SPTAN1: variants seen among roughly 807,000 people sequenced by gnomAD.
The protein encoded by SPTAN1 is spectrin alpha chain, non-erythrocytic 1.
Under a neutral mutation model 331.3 loss-of-function variants are expected in SPTAN1, and 61 were observed. That is an observed-to-expected ratio of 0.18 (90% CI 0.15 to 0.23). The LOEUF (loss-of-function observed/expected upper bound fraction) is 0.23, where lower values mean the gene tolerates loss of function less well. SPTAN1 is among the 10% of genes least tolerant of loss of function. The pLI is 1.00. For synonymous variants in SPTAN1, 1,153 were observed against 1,173.9 expected (o/e 0.98, Z 0.36); for missense variants, 2,043 against 3,147.9 (o/e 0.65, Z 8.40).
chr9:128,626,170 G>T (rs1008221394), intron 48 of SPTAN1, 192 bp downstream of exon 48: 1 of 864,848 alleles, frequency 1.2e-6, no homozygotes, highest in East Asian at 2.6e-5. Context: ...CCATTCAGAA[G>T]CACGCAGGAC....
chr9:128,622,148 A>G (rs1857951707), intron 45 of SPTAN1: 1 of 152,186 alleles, frequency 6.6e-6, no homozygotes, highest in Non-Finnish European at 1.5e-5. Context: ...GCGTGAAACT[A>G]ATTTCAGCTA....
intron 22 of SPTAN1, among the ~76,000 whole-genome samples, chr9:128,591,827 T>C (rs1032343369): frequency 6.6e-6 from 1 of 152,226 alleles, no homozygotes; most frequent in Non-Finnish European, 1.5e-5. Context: ...TTGTTTTTTT[T>C]CCACCAGTGT....
At position 128,627,200 on chromosome 9, in the gene SPTAN1, G is replaced by T. The variant is rs1407133875; in HGVS notation, c.6577-186G>T. 3 of 648,130 alleles carry T rather than the reference G, an allele frequency of 4.6e-6. No homozygotes were observed. The highest frequency in any genetic ancestry group is 5.6e-6 in the Non-Finnish European group (2 of 357,248). 40.1% of individuals were successfully genotyped at this position (648,130 alleles called of 1,614,324 possible). On this transcript the variant is annotated intron_variant, in intron 49 of 56. Coordinates refer to ENST00000372739, the MANE Select transcript of SPTAN1 (RefSeq NM_001130438.3). The surrounding 1 kb of genome is among the most constrained non-coding windows in gnomAD (Gnocchi z 4.9). ...GGTCCGCCTCTTCCTTGAAGCCCCT[G>T]GGGGGTGGGAACAGAGAAAGAACTA...
intron 40 of SPTAN1, among the ~76,000 whole-genome samples, chr9:128,615,100 A>G (rs1056069331): frequency 6.6e-6 from 1 of 152,234 alleles, no homozygotes; most frequent in Non-Finnish European, 1.5e-5. Flanking sequence ...ACTTTCTCAT[A>G]AAAGTTTGAA....
intron 45 of SPTAN1, among the ~76,000 whole-genome samples, chr9:128,622,884 C>G (rs1426443462): frequency 6.6e-6 from 1 of 151,534 alleles, no homozygotes; most frequent in African/African-American, 2.4e-5. Flanking sequence ...TCCTGAGTAG[C>G]TGGGGTTACA....
Position 128,625,969 on chromosome 9 carries a change from C to A in SPTAN1, c.6270C>A (p.His2090Gln), listed in dbSNP as rs370102482. The change falls in exon 48 of 57, where the codon CAC becomes CAA. Residue 2090 changes from histidine (H) to glutamine (Q), a missense_variant. By Grantham distance (24) the His-to-Gln change is conservative. Coordinates refer to ENST00000372739, the MANE Select transcript of SPTAN1 (RefSeq NM_001130438.3). This position sits in a 1 kb window ranked among gnomAD's most constrained non-coding sequence, Gnocchi z 4.1. The stretch of plus-strand genomic sequence containing the variant: ...AGAAGCTTCTGGAGGCTCAGAGTCA[C>A]TTCCGCAAGGTGAGGATGGGGCCAC... ...RKKKLLEAQS[H>Q]FRKVEDLFLT... 2 of 1,614,110 alleles carry A rather than the reference C, an allele frequency of 1.2e-6. No individual in the cohort carries two copies. The highest frequency in any genetic ancestry group is 3.3e-5 in the Admixed American group (2 of 60,036).
At position 128,583,163 on chromosome 9, in the gene SPTAN1, G is replaced by A; in HGVS notation, c.1893G>A (p.Leu631=). ...CAAACCAGAGCCGAATTGATGCCTT[G>A]GAGAAAGCTGGCCAAAAGCTGATTG... is the stretch of plus-strand genomic sequence containing the variant. The part of the protein sequence containing the change: ...LSANQSRIDA[L]EKAGQKLIDV... The change falls in exon 15 of 57, where the codon TTG becomes TTA. Residue 631 remains leucine (L), a synonymous_variant. Transcript: ENST00000372739. 1 of 1,614,136 alleles carries A rather than the reference G, an allele frequency of 6.2e-7. No homozygotes were observed. The highest frequency in any genetic ancestry group is 1.1e-5 in the South Asian group (1 of 91,082).
At chr9:128,619,879 A>C (rs1348480039) in intron 44 of SPTAN1, among the ~76,000 whole-genome samples, 1 of 152,206 alleles carries the variant, frequency 6.6e-6, no homozygotes, top group African/African-American at 2.4e-5. Flanking sequence ...CGGCATCTGC[A>C]GCTGTCACTG....
intron 1 of SPTAN1, among the ~76,000 whole-genome samples, chr9:128,564,013 C>G (rs959127558): frequency 3.3e-5 from 5 of 152,090 alleles, no homozygotes; most frequent in Non-Finnish European, 2.9e-5. Flanking sequence ...TGGCTTACAC[C>G]TGTAATCTTA....
intron 12 of SPTAN1, 108 bp from the exon 13 acceptor site, chr9:128,582,371 T>G: frequency 3.2e-6 from 3 of 952,360 alleles, no homozygotes; most frequent in South Asian, 1.4e-5. Context: ...CCTTGACCTA[T>G]GTTAAAGTTT....
At chr9:128,567,101 G>A in intron 2 of SPTAN1, 124 bp downstream of exon 2, 6 of 1,384,758 alleles carry the variant, frequency 4.3e-6, no homozygotes, top group Non-Finnish European at 6.0e-6. Flanking sequence ...ATATAATAAG[G>A]AAGGACAAAC....
intron 5 of SPTAN1, 133 bp from the exon 6 acceptor site, chr9:128,576,690 G>A: frequency 8.3e-7 from 1 of 1,201,448 alleles, no homozygotes; most frequent in Non-Finnish European, 1.2e-6. Flanking sequence ...TTTGTATCAT[G>A]TTGACCATTA....
chr9:128,610,373 T>C (rs1033757485), intron 37 of SPTAN1, among the ~76,000 whole-genome samples: 6 of 152,100 alleles, frequency 3.9e-5, no homozygotes, highest in African/African-American at 1.4e-4. Context: ...AATGGGACTT[T>C]TGTCAGGATA....
chr9:128,614,723 G>A (rs1246944237), intron 40 of SPTAN1, among the ~76,000 whole-genome samples: 1 of 152,144 alleles, frequency 6.6e-6, no homozygotes, highest in Non-Finnish European at 1.5e-5. Flanking sequence ...TGCAGTGTGT[G>A]TGTCATGATC....
Position 128,629,911 on chromosome 9 carries a change from G to T in SPTAN1, c.6708-410G>T, listed in dbSNP as rs977489946. 5.7e-6 allele frequency: 2 copies of T among 353,920 alleles called. No individual in the cohort carries two copies. The highest frequency in any genetic ancestry group is 4.4e-5 in the South Asian group (2 of 44,984). 21.9% of individuals were successfully genotyped at this position (353,920 alleles called of 1,614,324 possible). On this transcript the variant is annotated intron_variant, in intron 51 of 56. Coordinates refer to ENST00000372739, the MANE Select transcript of SPTAN1 (RefSeq NM_001130438.3). This position sits in a 1 kb window ranked among gnomAD's most constrained non-coding sequence, Gnocchi z 4.9. ...CAGGGTTTCTGTGGGGAGGCTGTCA[G>T]GTTCTCAGCCTCCCCTCTGCCCTGA...
rs1449338351 is a variant in SPTAN1, at chr9:128,632,788, C to G, written c.7161-20C>G. 1.2e-6 allele frequency: 2 copies of G among 1,614,068 alleles called. No individual in the cohort carries two copies. Among genetic ancestry groups the G allele is most frequent in the South Asian group, 2.2e-5 (2 of 91,078 alleles). On this transcript the variant is annotated intron_variant, in intron 55 of 56. Transcript: ENST00000372739. ...CCCACCTGCCCTCCCTGCTCAGGCTCTTGCTTCCCCCGCTCCTAGAGATGG... is the reference window on the plus strand; with the variant it reads ...CCCACCTGCCCTCCCTGCTCAGGCTGTTGCTTCCCCCGCTCCTAGAGATGG...
At chr9:128,566,172 T>G (rs1195740470) in intron 1 of SPTAN1, among the ~76,000 whole-genome samples, 7 of 152,208 alleles carry the variant, frequency 4.6e-5, no homozygotes, top group Admixed American at 4.6e-4. Flanking sequence ...TCCTCCTGCC[T>G]TAGCCTCCTG....
intron 5 of SPTAN1, among the ~76,000 whole-genome samples, chr9:128,575,945 TG>T (rs1851260094): frequency 6.6e-6 from 1 of 152,144 alleles, no homozygotes; most frequent in African/African-American, 2.4e-5. Context: ...AAATTTGATT[TG>T]GGGGGTACAA....
chr9:128,555,532 G>T, intron 1 of SPTAN1: 1 of 550,982 alleles, frequency 1.8e-6, no homozygotes, highest in South Asian at 2.6e-5. Context: ...TGACGTTTCT[G>T]TTAAACAAAT....
Sources: allele counts gnomAD v4.1 joint callset (sites outside exome capture counted in the v4.1 genomes callset), GRCh38; gene constraint gnomAD v4.1.1; non-coding constraint Gnocchi (gnomAD v3.1); transcripts MANE v1.5; gene names NCBI Gene and HGNC (gene_info 2026-07-23, HGNC 2026-07-21).